APBB2: variants seen among roughly 807,000 people sequenced by gnomAD.
APBB2 encodes the protein Fe65-like 1.
A neutral mutation model predicts 82.5 loss-of-function variants in APBB2; 38 were observed. That is an observed-to-expected ratio of 0.46 (90% CI 0.36 to 0.60). The LOEUF is 0.60. Among genes scored for constraint, APBB2 ranks in the 20% least tolerant of loss-of-function variants. The pLI is 0.00. For synonymous variants in APBB2, 341 were observed against 368.2 expected (o/e 0.93, Z 0.85); for missense variants, 772 against 972.3 (o/e 0.79, Z 2.74).
intron 12 of APBB2, among the ~76,000 whole-genome samples, chr4:40,838,967 G>C (rs1223996844): frequency 6.6e-6 from 1 of 152,060 alleles, no homozygotes; most frequent in Non-Finnish European, 1.5e-5. Context: ...GGTACCTAGA[G>C]TATTTCCATG....
chr4:40,865,487 C>T (rs974903071), intron 12 of APBB2, among the ~76,000 whole-genome samples: 1 of 152,190 alleles, frequency 6.6e-6, no homozygotes, highest in African/African-American at 2.4e-5. Flanking sequence ...TGCCAGTCCA[C>T]CAATGATCTG....
intron 2 of APBB2, among the ~76,000 whole-genome samples, chr4:41,119,988 T>A (rs1341580820): frequency 6.6e-6 from 1 of 152,212 alleles, no homozygotes; most frequent in East Asian, 1.9e-4. Context: ...TGCTGTAATT[T>A]AGCCTCATAA....
At chr4:40,861,630 GC>G (rs1267711222) in intron 12 of APBB2, among the ~76,000 whole-genome samples, 1 of 152,210 alleles carries the variant, frequency 6.6e-6, no homozygotes, top group Non-Finnish European at 1.5e-5. Context: ...TGGGCATGGG[GC>G]TTGTACAGAA....
rs150234463 is a variant in APBB2 at position 41,101,730 on chromosome 4, C to T, written c.-260-980G>A. Among the ~76,000 whole-genome samples the T allele has an allele frequency of 9.4e-3, 1,425 of 152,024 alleles. 26 individuals are homozygous for T. The highest frequency in any genetic ancestry group is 0.033 in the African/African-American group (1,352 of 41,518). On this transcript the variant is annotated intron_variant, in intron 2 of 17. Coordinates refer to ENST00000508593, the MANE Select transcript of APBB2 (RefSeq NM_004307.2). The stretch of plus-strand genomic sequence containing the variant: ...ATCCCAGCACTTTGGGAGGCCCAGG[C>T]GGGCGGATCACGACGTCAGGAGTTC...
chr4:41,154,462 G>C (rs1361609571), intron 1 of APBB2, among the ~76,000 whole-genome samples: 1 of 152,122 alleles, frequency 6.6e-6, no homozygotes, highest in South Asian at 2.1e-4. Context: ...TTGTTTTTCT[G>C]AACGAGTAAA....
intron 12 of APBB2, among the ~76,000 whole-genome samples, chr4:40,869,713 T>C (rs1411420352): frequency 6.6e-6 from 1 of 150,698 alleles, no homozygotes; most frequent in African/African-American, 2.4e-5. Flanking sequence ...ATGAAAAAAA[T>C]TCTAAGAATA....
chr4:40,985,877 T>C (rs559284662), intron 6 of APBB2, among the ~76,000 whole-genome samples: 1 of 152,306 alleles, frequency 6.6e-6, no homozygotes, highest in African/African-American at 2.4e-5. Flanking sequence ...ATAGGTCAAA[T>C]TGGGCAAGAA....
chr4:40,973,027 T>A (rs912974775), intron 6 of APBB2, among the ~76,000 whole-genome samples: 1 of 152,238 alleles, frequency 6.6e-6, no homozygotes, highest in Non-Finnish European at 1.5e-5. Flanking sequence ...GTCTTACACA[T>A]TAGATTCTTT....
intron 4 of APBB2, among the ~76,000 whole-genome samples, chr4:41,051,379 G>C (rs1725877306): frequency 6.6e-6 from 1 of 152,188 alleles, no homozygotes; most frequent in Non-Finnish European, 1.5e-5. Flanking sequence ...TTTCTAGACA[G>C]TTTTCCCCAG....
At chr4:41,004,753 C>T (rs1414373472) in intron 6 of APBB2, among the ~76,000 whole-genome samples, 1 of 135,666 alleles carries the variant, frequency 7.4e-6, no homozygotes, top group Non-Finnish European at 1.5e-5. Context: ...AGGAGAATGG[C>T]GTGAACCTGG....
intron 1 of APBB2, among the ~76,000 whole-genome samples, chr4:41,194,728 A>T: frequency 6.6e-6 from 1 of 152,230 alleles, no homozygotes; most frequent in Non-Finnish European, 1.5e-5. Context: ...TTAACTATTA[A>T]CAATGAGACC....
intron 2 of APBB2, among the ~76,000 whole-genome samples, chr4:41,106,414 G>A (rs994110852): frequency 2.8e-4 from 42 of 152,132 alleles, no homozygotes; most frequent in Non-Finnish European, 5.9e-5. Flanking sequence ...GGAAATGGGT[G>A]GATGAACTTA....
intron 7 of APBB2, among the ~76,000 whole-genome samples, chr4:40,938,189 T>A (rs1785869400): frequency 6.6e-6 from 1 of 152,212 alleles, no homozygotes; most frequent in African/African-American, 2.4e-5. Flanking sequence ...AGTGACATTC[T>A]GGTACCACAG....
intron 2 of APBB2, among the ~76,000 whole-genome samples, chr4:41,112,881 G>A (rs549192291): frequency 2.6e-5 from 4 of 152,282 alleles, no homozygotes; most frequent in Non-Finnish European, 5.9e-5. Flanking sequence ...CAGCTACTCA[G>A]GAGGCTGAGG....
chr4:41,091,605 A>T (rs4861368), intron 3 of APBB2, among the ~76,000 whole-genome samples: 43,848 of 152,032 alleles, frequency 0.29, 7,107 homozygotes, highest in African/African-American at 0.43. Context: ...CTTTCCCATC[A>T]CTGAATCACC....
At chr4:41,064,055 T>C (rs1326316166) in intron 4 of APBB2, among the ~76,000 whole-genome samples, 3 of 145,522 alleles carry the variant, frequency 2.1e-5, no homozygotes, top group African/African-American at 7.7e-5. Context: ...CTCGGTTCAC[T>C]GCAAGCTCCG....
chr4:40,845,938 C>T (rs1307670528), intron 12 of APBB2, among the ~76,000 whole-genome samples: 1 of 130,252 alleles, frequency 7.7e-6, no homozygotes, highest in Non-Finnish European at 1.6e-5. Context: ...GCTCCTGAGT[C>T]TGACAGTTTA....
intron 12 of APBB2, among the ~76,000 whole-genome samples, chr4:40,845,180 A>C (rs1330384085): frequency 6.6e-6 from 1 of 152,244 alleles, no homozygotes; most frequent in Admixed American, 6.5e-5. Flanking sequence ...TAAATAAGAC[A>C]CCGCAGAGTG....
rs752096010 is a variant in APBB2, at chr4:41,013,585, G to C, written c.833C>G (p.Thr278Arg). The change falls in exon 6 of 18, where the codon ACA becomes AGA. Residue 278 changes from threonine to arginine, a missense_variant and splice_region_variant. Thr to Arg is a moderately conservative substitution (Grantham distance 71). Transcript: ENST00000508593. ...DSASPSSPDE[T>R]ADIWSDHSFQ... ...GGCTACGCCTTCCCCAGGGGTACCTGTTTCATCCGGGGAGCTGGGTGAGGC... is the reference window on the plus strand; with the variant it reads ...GGCTACGCCTTCCCCAGGGGTACCTCTTTCATCCGGGGAGCTGGGTGAGGC... 2 of 1,613,068 alleles carry C rather than the reference G, an allele frequency of 1.2e-6. No individual in the cohort carries two copies. Among genetic ancestry groups the C allele is most frequent in the African/African-American group, 1.3e-5 (1 of 75,008 alleles).
Sources: allele counts gnomAD v4.1 joint callset (sites outside exome capture counted in the v4.1 genomes callset), GRCh38; gene constraint gnomAD v4.1.1; transcripts MANE v1.5; gene names NCBI Gene and HGNC (gene_info 2026-07-23, HGNC 2026-07-21).